The following DUOX1 variants were observed in gnomAD, a reference collection of about 807,000 sequenced individuals.
DUOX1 encodes the protein dual oxidase 1.
DUOX1 carries 134 observed loss-of-function variants against 181.8 expected under a neutral mutation model. The ratio of observed to expected loss-of-function variants is 0.74; its 90% CI spans 0.64 to 0.85. The LOEUF is 0.85. Ranked by LOEUF, DUOX1 falls within the 40% of genes least tolerant of loss-of-function variation. The probability of loss-of-function intolerance (pLI) is 0.00; values close to 1 mark genes in which losing one functional copy is unlikely to be tolerated. For missense variants in DUOX1, 1,814 were observed against 2,064.4 expected, an observed-to-expected ratio of 0.88 and a Z score of 2.35; for synonymous variants, 798 against 832.5, an observed-to-expected ratio of 0.96 and a Z score of 0.71.
intron 16 of DUOX1, 71 bp from the exon 17 acceptor site, chr15:45,143,965 A>G: frequency 6.7e-7 from 1 of 1,500,572 alleles, no homozygotes. Flanking sequence ...TTCAGCCCTG[A>G]GCTGGCCCTC....
At chr15:45,130,258 G>C (rs564246916) in intron 1 of DUOX1, among the ~76,000 whole-genome samples, 160 bp downstream of exon 1, 6 of 152,220 alleles carry the variant, frequency 3.9e-5, no homozygotes, top group Non-Finnish European at 7.3e-5. Context: ...GGCTAAAACC[G>C]GTCCTGTTAG....
chr15:45,141,156 C>T (rs1896481153), intron 13 of DUOX1, 86 bp downstream of exon 13: 3 of 1,580,024 alleles, frequency 1.9e-6, no homozygotes, highest in African/African-American at 2.7e-5. Context: ...CCCCATGAGC[C>T]CTTGATTCCA....
chr15:45,136,612 G>A lies in DUOX1; in HGVS notation c.1009G>A (p.Gly337Ser). The change falls in exon 9 of 34, where the codon GGC becomes AGC. Residue 337 changes from glycine (G) to serine (S), a missense_variant. Gly to Ser is a moderately conservative substitution (Grantham distance 56). This residue lies in a region of DUOX1 where 1,064 missense variants were observed against 1,152.9 expected (regional missense o/e 0.92). Coordinates refer to ENST00000389037, the MANE Select transcript of DUOX1 (RefSeq NM_175940.3). ...GTTCCTGTCCACCATGGTGCCCCCT[G>A]GCGTCTACATGAGGTGAGGGAGGGG... ...EQFLSTMVPP[G>S]VYMRNASCHF... 6.2e-7 allele frequency: 1 copy of A among 1,614,084 alleles called. No individual in the cohort carries two copies.
At chr15:45,143,959 G>C in intron 16 of DUOX1, 77 bp from the exon 17 acceptor site, 1 of 1,452,090 alleles carries the variant, frequency 6.9e-7, no homozygotes, top group Non-Finnish European at 9.6e-7. Flanking sequence ...TCTAATTTCA[G>C]CCCTGAGCTG....
intron 29 of DUOX1, 117 bp from the exon 30 acceptor site, chr15:45,161,621 G>A (rs942690907): frequency 1.3e-5 from 12 of 898,046 alleles, no homozygotes; most frequent in Non-Finnish European, 2.1e-5. Flanking sequence ...TCTGATGGGG[G>A]AGGCCTCCTT....
intron 28 of DUOX1, among the ~76,000 whole-genome samples, chr15:45,156,480 T>C (rs1896972097): frequency 6.6e-6 from 1 of 152,208 alleles, no homozygotes; most frequent in Admixed American, 6.5e-5. Flanking sequence ...TCGCCCAGGC[T>C]GGAGTGCAAT....
rs912909459 is a variant in DUOX1, at chr15:45,140,131, G to A, written c.1389+532G>A. On this transcript the variant is annotated intron_variant, in intron 12 of 33. Transcript: ENST00000389037. ...GTCAAGGATGATGGTGCTGAACAGG[G>A]GTCCTGTTCAGCTGCTAGCCAAGAG... 30 of 1,049,334 alleles carry A rather than the reference G, an allele frequency of 2.9e-5. No homozygotes were observed. In the East Asian group the frequency reaches 6.8e-4, roughly 24 times the overall value. 65.0% of individuals were successfully genotyped at this position (1,049,334 alleles called of 1,614,324 possible). A position where few individuals can be genotyped will look rare whatever the true frequency, so the allele number is the denominator to read the frequency against.
At chr15:45,156,722 C>T (rs1012392657) in intron 28 of DUOX1, among the ~76,000 whole-genome samples, 4 of 152,302 alleles carry the variant, frequency 2.6e-5, no homozygotes, top group Admixed American at 2.0e-4. Flanking sequence ...TGAGCCACCG[C>T]GCCAGGCCAA....
intron 22 of DUOX1, among the ~76,000 whole-genome samples, 198 bp downstream of exon 22, chr15:45,150,899 G>A (rs1284020102): frequency 1.3e-5 from 2 of 152,154 alleles, no homozygotes; most frequent in Admixed American, 6.5e-5. Context: ...TCTCACTTAC[G>A]GCCTGGCCCA....
At chr15:45,164,010 C>A in intron 33 of DUOX1, 92 bp downstream of exon 33, 3 of 1,535,324 alleles carry the variant, frequency 2.0e-6, no homozygotes, top group South Asian at 2.5e-5. Context: ...AAGAAATCGA[C>A]TGCTGATGAG....
chr15:45,139,977 C>G (rs1381778647), intron 12 of DUOX1: 2 of 899,226 alleles, frequency 2.2e-6, no homozygotes, highest in Non-Finnish European at 3.4e-6. Context: ...TCAGCTGTTA[C>G]ACCCTGAGCT....
At chr15:45,136,285 C>G (rs1567008642) in intron 7 of DUOX1, 65 bp from the exon 8 acceptor site, 1 of 1,609,906 alleles carries the variant, frequency 6.2e-7, no homozygotes, top group Admixed American at 1.7e-5. Context: ...CGTCCTTGGG[C>G]TCAGACCCTT....
chr15:45,143,985 A>G lies in DUOX1; in HGVS notation c.1937-51A>G, dbSNP rs765245648. ...CCCTGAGCTGGCCCTCTTCCTCCCAATGTACCTCTGATGGGTCCCAGCTGA... is the reference window on the plus strand; with the variant it reads ...CCCTGAGCTGGCCCTCTTCCTCCCAGTGTACCTCTGATGGGTCCCAGCTGA... On this transcript the variant is annotated intron_variant, in intron 16 of 33. Coordinates refer to ENST00000389037, the MANE Select transcript of DUOX1 (RefSeq NM_175940.3). The G allele has an allele frequency of 8.2e-6, 13 of 1,593,968 alleles. No individual in the cohort carries two copies. In the South Asian group the frequency reaches 1.2e-4, roughly 15 times the overall value.
In DUOX1 at chr15:45,141,966, C is replaced by T; in HGVS notation, c.1685-9C>T. ...GCACCCAGGACGCTGGCTTCCTCTG[C>T]CTTCCCAGGAGACCCCTGTCCGCAG... On this transcript the variant is annotated splice_polypyrimidine_tract_variant and intron_variant, in intron 14 of 33. Coordinates refer to ENST00000389037, the MANE Select transcript of DUOX1 (RefSeq NM_175940.3). 6.2e-7 allele frequency: 1 copy of T among 1,606,588 alleles called. No homozygotes were observed. The highest frequency in any genetic ancestry group is 8.5e-7 in the Non-Finnish European group (1 of 1,176,622).
rs762476013 is a variant in DUOX1 at position 45,138,064 on chromosome 15, A to ATGTGTG, written c.1113+58_1113+63dup. On this transcript the variant is annotated intron_variant, in intron 10 of 33. Transcript: ENST00000389037. ...GGTGGATGTGTGTGTGTGCATGCTT[A>ATGTGTG]TGTGTGTGTGTGTATGTGTGTGTGT... 1.5e-4 allele frequency: 156 copies of ATGTGTG among 1,027,668 alleles called. No individual in the cohort carries two copies. The African/African-American group carries it at 1.5e-3, about 10-fold the overall frequency. 63.7% of individuals were successfully genotyped at this position (1,027,668 alleles called of 1,614,324 possible).
rs1441615959 is a variant in DUOX1, at chr15:45,152,501, G to A, written c.3409G>A (p.Ala1137Thr). The A allele has an allele frequency of 1.9e-6, 3 of 1,613,834 alleles. No individual in the cohort carries two copies. Among genetic ancestry groups the A allele is most frequent in the Non-Finnish European group, 1.7e-6 (2 of 1,179,972 alleles). The part of the protein sequence containing the change: ...VDFHRLIAST[A>T]IVLTVLHSVG... ...CTTCCATCGCCTCATTGCCTCCACC[G>A]CCATCGTCCTCACAGGCAGGGCCTG... The change falls in exon 25 of 34, where the codon GCC becomes ACC. Residue 1137 changes from alanine to threonine, a missense_variant. Coordinates refer to ENST00000389037, the MANE Select transcript of DUOX1 (RefSeq NM_175940.3).
intron 24 of DUOX1, 57 bp downstream of exon 24, chr15:45,152,109 C>T: frequency 6.3e-7 from 1 of 1,583,570 alleles, no homozygotes; most frequent in African/African-American, 1.3e-5. Context: ...AGTGATCGCC[C>T]TGGGGGTGGG....
At chr15:45,153,675 G>C in intron 26 of DUOX1, 196 bp downstream of exon 26, 2 of 680,268 alleles carry the variant, frequency 2.9e-6, no homozygotes, top group Non-Finnish European at 5.2e-6. Context: ...GGAGAGACTG[G>C]TGTCTGAGTT....
chr15:45,144,795 T>A, intron 17 of DUOX1, 100 bp from the exon 18 acceptor site: 1 of 1,299,286 alleles, frequency 7.7e-7, no homozygotes, highest in East Asian at 2.3e-5. Context: ...TATCCCTTTT[T>A]CAAGGCCACC....
Sources: allele counts gnomAD v4.1 joint callset (sites outside exome capture counted in the v4.1 genomes callset), GRCh38; gene constraint gnomAD v4.1.1; regional missense constraint gnomAD v4.1.1; transcripts MANE v1.5; gene names NCBI Gene and HGNC (gene_info 2026-07-23, HGNC 2026-07-21).